EBF1: variants seen among roughly 807,000 people sequenced by gnomAD.
EBF1 encodes transcription factor COE1.
A neutral mutation model predicts 68.4 loss-of-function variants in EBF1; 10 were observed. That is an observed-to-expected ratio of 0.15 (90% CI 0.09 to 0.25). The LOEUF (loss-of-function observed/expected upper bound fraction) is 0.25, where lower values mean the gene tolerates loss of function less well. EBF1 is among the 10% of genes least tolerant of loss of function. The pLI is 1.00. For synonymous variants in EBF1, 298 were observed against 299.8 expected (o/e 0.99, Z 0.06); for missense variants, 509 against 794.4 (o/e 0.64, Z 4.32).
At chr5:158,822,263 T>TGGAC (rs58788704) in intron 8 of EBF1, among the ~76,000 whole-genome samples, 1 of 90,970 alleles carries the variant, frequency 1.1e-5, no homozygotes, top group Non-Finnish European at 2.6e-5. Flanking sequence ...GATGGACGGA[T>TGGAC]GGACGGATGG....
At chr5:158,935,459 C>A (rs1415582054) in intron 6 of EBF1, among the ~76,000 whole-genome samples, 1 of 152,204 alleles carries the variant, frequency 6.6e-6, no homozygotes, top group African/African-American at 2.4e-5. Flanking sequence ...TGAACTGGGG[C>A]AGGCCAGCTG....
chr5:158,743,932 A>G (rs1288165320), intron 10 of EBF1, among the ~76,000 whole-genome samples: 1 of 152,106 alleles, frequency 6.6e-6, no homozygotes, highest in African/African-American at 2.4e-5. Context: ...GCCCTTTGGG[A>G]GGCTAAGGTG....
At chr5:159,099,319 G>T (rs1202015233) in intron 1 of EBF1, 26 bp downstream of exon 1, 7 of 1,508,438 alleles carry the variant, frequency 4.6e-6, no homozygotes, top group Non-Finnish European at 2.7e-6. Flanking sequence ...GGCTCACCTC[G>T]GCCGCGGTCC....
At chr5:158,909,704 C>T (rs912397915) in intron 6 of EBF1, among the ~76,000 whole-genome samples, 3 of 151,978 alleles carry the variant, frequency 2.0e-5, no homozygotes, top group Middle Eastern at 3.4e-3. Context: ...TTTGGGAGGC[C>T]GAGGCGGGAG....
At chr5:159,053,605 TCACACACA>T (rs3062333) in intron 6 of EBF1, among the ~76,000 whole-genome samples, 11 of 146,308 alleles carry the variant, frequency 7.5e-5, no homozygotes, top group African/African-American at 2.8e-4. Flanking sequence ...TCTCTCTCTC[TCACACACA>T]CACACACACA....
chr5:158,727,493 G>A (rs1360811756), intron 11 of EBF1, among the ~76,000 whole-genome samples: 1 of 152,148 alleles, frequency 6.6e-6, no homozygotes, highest in East Asian at 1.9e-4. Flanking sequence ...TGACCTCAAA[G>A]TTGGTCACAT....
At chr5:158,968,560 AG>A (rs1754657758) in intron 6 of EBF1, among the ~76,000 whole-genome samples, 1 of 152,228 alleles carries the variant, frequency 6.6e-6, no homozygotes, top group Non-Finnish European at 1.5e-5. Context: ...TTTTGGAGAC[AG>A]GAAAAAAGAG....
At chr5:158,718,086 A>G (rs1195979107) in intron 11 of EBF1, among the ~76,000 whole-genome samples, 1 of 152,242 alleles carries the variant, frequency 6.6e-6, no homozygotes, top group Non-Finnish European at 1.5e-5. Context: ...TGAATGGGCT[A>G]CAAATATAAA....
At chr5:158,986,763 A>G (rs1395463414) in intron 6 of EBF1, 1 of 152,242 alleles carries the variant, frequency 6.6e-6, no homozygotes, top group Non-Finnish European at 1.5e-5. Context: ...TGGGCTGGCC[A>G]GATTTATATA....
intron 6 of EBF1, among the ~76,000 whole-genome samples, chr5:158,926,727 CAAAAAAAAAAAAAAGAAAAGAA>C (rs1380802356): frequency 1.4e-5 from 1 of 71,894 alleles, no homozygotes; most frequent in Non-Finnish European, 2.9e-5. Flanking sequence ...GACTACATTT[CAAAAAAAAAAAAAAGAAAAGAA>C]AAAAGAAAAA....
At chr5:158,911,483 T>A (rs532950723) in intron 6 of EBF1, among the ~76,000 whole-genome samples, 4 of 152,284 alleles carry the variant, frequency 2.6e-5, no homozygotes, top group Admixed American at 2.6e-4. Context: ...TTTGTTTTGT[T>A]TTTAATCATC....
intron 5 of EBF1, among the ~76,000 whole-genome samples, chr5:159,082,119 G>C (rs916015386): frequency 1.3e-5 from 2 of 152,012 alleles, no homozygotes; most frequent in Non-Finnish European, 2.9e-5. Context: ...CAATTCTCTG[G>C]TGTTTCTCAT....
rs780983558 is a variant in EBF1 at position 159,017,079 on chromosome 5, G to A, written c.554+56317C>T. Among the ~76,000 whole-genome samples, 9 of 152,042 alleles carry A rather than the reference G, an allele frequency of 5.9e-5. No homozygotes were observed. In the South Asian group the frequency reaches 6.2e-4, roughly 11 times the overall value. ...ATGTTTTATTTAACCCATGATATCC[G>A]AAATATTATTTTGACATGTAAGCAA... On this transcript the variant is annotated intron_variant, in intron 6 of 15. Transcript: ENST00000313708.
intron 6 of EBF1, among the ~76,000 whole-genome samples, chr5:158,972,295 T>C (rs536578978): frequency 5.9e-5 from 9 of 152,300 alleles, no homozygotes; most frequent in South Asian, 2.1e-4. Context: ...CACCTGCCCA[T>C]ATTACCCACG....
chr5:159,099,736 A>G lies in EBF1; in HGVS notation c.-258T>C. Reference sequence around the variant, plus strand: ...GAAAATCCAACGAAAAGACCAAAATAATAAAATTAGAGATGTATGCTTGGC... The same window carrying G: ...GAAAATCCAACGAAAAGACCAAAATGATAAAATTAGAGATGTATGCTTGGC... On this transcript the variant is annotated 5_prime_UTR_variant, in exon 1 of 16. Coordinates refer to ENST00000313708, the MANE Select transcript of EBF1 (RefSeq NM_024007.5). 3.4e-6 allele frequency: 1 copy of G among 297,924 alleles called. No homozygotes were observed. Among genetic ancestry groups the G allele is most frequent in the Non-Finnish European group, 6.0e-6 (1 of 167,658 alleles). 18.5% of individuals were successfully genotyped at this position (297,924 alleles called of 1,614,324 possible). A position where few individuals can be genotyped will look rare whatever the true frequency, so the allele number is the denominator to read the frequency against.
intron 9 of EBF1, among the ~76,000 whole-genome samples, chr5:158,779,790 G>A (rs943899591): frequency 2.6e-5 from 4 of 152,056 alleles, no homozygotes. Context: ...CAAAATTCAC[G>A]GGCTTTATAA....
At chr5:158,808,154 T>C (rs1362801149) in intron 8 of EBF1, among the ~76,000 whole-genome samples, 4 of 152,134 alleles carry the variant, frequency 2.6e-5, no homozygotes, top group Non-Finnish European at 4.4e-5. Context: ...CAGGAATATG[T>C]ATCATTGACT....
At chr5:158,871,719 A>T (rs1796901868) in intron 6 of EBF1, among the ~76,000 whole-genome samples, 1 of 152,206 alleles carries the variant, frequency 6.6e-6, no homozygotes, top group African/African-American at 2.4e-5. Flanking sequence ...ACAGATGGGG[A>T]GATAGAAGCT....
At chr5:159,099,317 T>A (rs369265106) in intron 1 of EBF1, 28 bp downstream of exon 1, 221 of 1,506,964 alleles carry the variant, frequency 1.5e-4, no homozygotes, top group Non-Finnish European at 1.8e-4. Flanking sequence ...GCGGCTCACC[T>A]CGGCCGCGGT....
Sources: allele counts gnomAD v4.1 joint callset (sites outside exome capture counted in the v4.1 genomes callset), GRCh38; gene constraint gnomAD v4.1.1; transcripts MANE v1.5; gene names NCBI Gene and HGNC (gene_info 2026-07-23, HGNC 2026-07-21).